Variants in CDH12 observed in about 807,000 individuals in gnomAD.
The protein encoded by CDH12 is cadherin 12, also known as cadherin-12.
CDH12 carries 41 observed loss-of-function variants against 74.1 expected under a neutral mutation model. The observed-to-expected ratio is 0.55, with a 90% confidence interval of 0.43 to 0.72. The LOEUF is 0.72. CDH12 is among the 30% of genes least tolerant of loss of function. The pLI is 0.00. For synonymous variants in CDH12, 399 were observed against 355.0 expected (o/e 1.12, Z -1.39); for missense variants, 945 against 977.2 (o/e 0.97, Z 0.44).
At chr5:22,210,829 T>G (rs1043952729) in intron 4 of CDH12, among the ~76,000 whole-genome samples, 3 of 147,708 alleles carry the variant, frequency 2.0e-5, no homozygotes, top group Non-Finnish European at 4.4e-5. Context: ...TTTATCAAGT[T>G]GCTTAAAAAA....
At chr5:22,413,668 T>C (rs1292119240) in intron 2 of CDH12, among the ~76,000 whole-genome samples, 2 of 152,054 alleles carry the variant, frequency 1.3e-5, no homozygotes, top group South Asian at 2.1e-4. Flanking sequence ...TAAGGCAAAA[T>C]TGTGTTTTAA....
intron 1 of CDH12, among the ~76,000 whole-genome samples, chr5:22,747,047 C>A (rs1178065254): frequency 6.6e-6 from 1 of 152,132 alleles, no homozygotes; most frequent in Non-Finnish European, 1.5e-5. Context: ...CATCTACTTT[C>A]ATTTTGATGT....
At chr5:22,052,298 T>A (rs1191597422) in intron 5 of CDH12, among the ~76,000 whole-genome samples, 1 of 152,196 alleles carries the variant, frequency 6.6e-6, no homozygotes, top group Non-Finnish European at 1.5e-5. Flanking sequence ...GTTGCTGTTT[T>A]ATTTTACAAT....
At chr5:22,446,750 T>C (rs550243559) in intron 2 of CDH12, among the ~76,000 whole-genome samples, 1 of 152,272 alleles carries the variant, frequency 6.6e-6, no homozygotes, top group South Asian at 2.1e-4. Flanking sequence ...AAGCTTTTTG[T>C]ACTCAAGTTA....
At chr5:22,431,936 ATTGT>A (rs1744189155) in intron 2 of CDH12, among the ~76,000 whole-genome samples, 3 of 152,240 alleles carry the variant, frequency 2.0e-5, no homozygotes, top group South Asian at 4.1e-4. Context: ...ACATCAATTT[ATTGT>A]TTAAGAACAA....
intron 5 of CDH12, among the ~76,000 whole-genome samples, chr5:21,986,494 A>G (rs1439830726): frequency 3.3e-5 from 5 of 152,194 alleles, no homozygotes; most frequent in Non-Finnish European, 4.4e-5. Context: ...TGGACCCAGG[A>G]TTTGGGAAGA....
chr5:21,903,754 T>C (rs1398679398), intron 6 of CDH12, among the ~76,000 whole-genome samples: 6 of 151,578 alleles, frequency 4.0e-5, no homozygotes, highest in African/African-American at 1.5e-4. Flanking sequence ...AAAACACAAA[T>C]GAACAATAGA....
rs769464195 is a variant in CDH12, at chr5:21,751,606, C to CCGAA, written c.*130_*131insTTCG. 1.0e-5 allele frequency: 6 copies of CCGAA among 599,846 alleles called. No individual in the cohort carries two copies. The highest frequency in any genetic ancestry group is 3.2e-4 in the Middle Eastern group (1 of 3,158). The allele number at this position is 599,846 out of a possible 1,614,324, so 37.2% of individuals were successfully genotyped here. On this transcript the variant is annotated 3_prime_UTR_variant, in exon 15 of 15. Coordinates refer to ENST00000382254, the MANE Select transcript of CDH12 (RefSeq NM_004061.5). ...CCAGGTAATCAAAGGAATCTTGTCC[C>CCGAA]AGAGTGTGTGTGTGTGTGTGTGTGT...
intron 6 of CDH12, among the ~76,000 whole-genome samples, chr5:21,922,878 T>C (rs1360782855): frequency 2.0e-5 from 3 of 152,040 alleles, no homozygotes; most frequent in Non-Finnish European, 4.4e-5. Context: ...CATACTCCTC[T>C]TTTTAAGTTG....
intron 8 of CDH12, among the ~76,000 whole-genome samples, chr5:21,831,003 A>C (rs891208433): frequency 6.6e-6 from 1 of 151,928 alleles, no homozygotes; most frequent in South Asian, 2.1e-4. Flanking sequence ...GCACCACTGC[A>C]CTCCAAGCCG....
chr5:22,661,704 C>T (rs1740357652), intron 1 of CDH12, among the ~76,000 whole-genome samples: 1 of 152,042 alleles, frequency 6.6e-6, no homozygotes, highest in South Asian at 2.1e-4. Context: ...TCATGTAACA[C>T]CATTCCTCAA....
At chr5:22,587,976 C>A (rs1290997865) in intron 1 of CDH12, among the ~76,000 whole-genome samples, 1 of 147,796 alleles carries the variant, frequency 6.8e-6, no homozygotes, top group Admixed American at 6.8e-5. Context: ...TATATATAAT[C>A]TCCATACATA....
chr5:22,707,106 C>T (rs1743049110), intron 1 of CDH12, among the ~76,000 whole-genome samples: 1 of 152,142 alleles, frequency 6.6e-6, no homozygotes, highest in Admixed American at 6.6e-5. Context: ...GGCCTTATTA[C>T]AACCTAATCA....
At chr5:22,235,895 C>T (rs1233394437) in intron 3 of CDH12, among the ~76,000 whole-genome samples, 1 of 152,196 alleles carries the variant, frequency 6.6e-6, no homozygotes, top group Non-Finnish European at 1.5e-5. Context: ...GTGTAGCATA[C>T]TACACACCTG....
intron 6 of CDH12, 43 bp from the exon 7 acceptor site, chr5:21,854,833 A>G (rs1318915049): frequency 4.2e-5 from 66 of 1,582,012 alleles, no homozygotes; most frequent in Non-Finnish European, 5.2e-5. Context: ...TTGTTTTACT[A>G]CTTTCAAGGT....
intron 3 of CDH12, among the ~76,000 whole-genome samples, chr5:22,404,891 T>C (rs1742874745): frequency 6.6e-6 from 1 of 152,234 alleles, no homozygotes; most frequent in Admixed American, 6.5e-5. Context: ...TTAATGACTC[T>C]TCATGGTTTT....
intron 3 of CDH12, among the ~76,000 whole-genome samples, chr5:22,282,351 A>C (rs1248153720): frequency 6.6e-6 from 1 of 152,208 alleles, no homozygotes; most frequent in African/African-American, 2.4e-5. Context: ...CTTCACGACT[A>C]AAACACCAAA....
chr5:22,360,147 T>G lies in CDH12; in HGVS notation c.-333+45110A>C, dbSNP rs544230298. ...AAAAATCAATGAATCCAGGAGCTGG[T>G]TTTTTGAAAGGATCAACAAAATTGA... On this transcript the variant is annotated intron_variant, in intron 3 of 14. Coordinates refer to ENST00000382254, the MANE Select transcript of CDH12 (RefSeq NM_004061.5). Among the ~76,000 whole-genome samples the G allele has an allele frequency of 2.4e-3, 370 of 152,048 alleles. 5 individuals carry two copies. The highest frequency in any genetic ancestry group is 5.6e-3 in the East Asian group (29 of 5,164).
chr5:22,708,034 T>C (rs541378154), intron 1 of CDH12, among the ~76,000 whole-genome samples: 4 of 152,306 alleles, frequency 2.6e-5, no homozygotes, highest in African/African-American at 9.6e-5. Flanking sequence ...CTAAAATATA[T>C]TGAGGTGGCA....
Sources: allele counts gnomAD v4.1 joint callset (sites outside exome capture counted in the v4.1 genomes callset), GRCh38; gene constraint gnomAD v4.1.1; transcripts MANE v1.5; gene names NCBI Gene and HGNC (gene_info 2026-07-23, HGNC 2026-07-21).